Variants in NKAIN3 observed in about 807,000 individuals in gnomAD.
The protein encoded by NKAIN3 is sodium/potassium-transporting ATPase subunit beta-1-interacting protein 3.
A neutral mutation model predicts 30.2 loss-of-function variants in NKAIN3; 25 were observed. The observed-to-expected ratio is 0.83, with a 90% CI of 0.60 to 1.16. The LOEUF (loss-of-function observed/expected upper bound fraction) is 1.16, where lower values mean the gene tolerates loss of function less well. NKAIN3 is among the 50% of genes most tolerant of loss of function. NKAIN3 has a pLI of 0.00. For synonymous variants in NKAIN3, 91 were observed against 89.6 expected (o/e 1.02, Z -0.09); for missense variants, 225 against 254.1 (o/e 0.89, Z 0.78).
At chr8:62,704,203 C>A (rs1046695182) in intron 3 of NKAIN3, among the ~76,000 whole-genome samples, 5 of 152,018 alleles carry the variant, frequency 3.3e-5, no homozygotes, top group Admixed American at 3.3e-4. Flanking sequence ...AATAATGTAT[C>A]TTCTAGAAGA....
At chr8:62,274,372 A>G (rs1055435010) in intron 1 of NKAIN3, among the ~76,000 whole-genome samples, 1 of 152,036 alleles carries the variant, frequency 6.6e-6, no homozygotes, top group African/African-American at 2.4e-5. Flanking sequence ...GGTGTAGTCT[A>G]TGATCTGTGA....
rs116431004 is a variant in NKAIN3, at chr8:62,493,921, T to A, written c.55-85618T>A. Among the ~76,000 whole-genome samples, 613 of 152,284 alleles carry A rather than the reference T, an allele frequency of 4.0e-3. 4 individuals are homozygous for A. Among genetic ancestry groups the A allele is most frequent in the African/African-American group, 0.014 (583 of 41,578 alleles). The stretch of plus-strand genomic sequence containing the variant: ...GTTGTTTTTTAGATGAAGGAGCTTT[T>A]GGGTCGAGACTCTAGGGTTTTCTGA... On this transcript the variant is annotated intron_variant, in intron 1 of 6. Coordinates refer to ENST00000623646, the MANE Select transcript of NKAIN3 (RefSeq NM_001304533.3).
At chr8:62,677,079 T>C (rs938618073) in intron 3 of NKAIN3, among the ~76,000 whole-genome samples, 5 of 152,158 alleles carry the variant, frequency 3.3e-5, no homozygotes, top group African/African-American at 1.2e-4. Flanking sequence ...TTTTGGTTTG[T>C]TTTGAATTTT....
chr8:62,918,814 A>G (rs1467567435), intron 5 of NKAIN3, among the ~76,000 whole-genome samples: 1 of 152,182 alleles, frequency 6.6e-6, no homozygotes. Flanking sequence ...CCGAGTAGAC[A>G]GTCAGCGGTT....
chr8:62,801,289 G>C (rs1457563343), intron 4 of NKAIN3, among the ~76,000 whole-genome samples: 1 of 152,210 alleles, frequency 6.6e-6, no homozygotes, highest in Non-Finnish European at 1.5e-5. Flanking sequence ...CGCAGCTGGA[G>C]ATCTGAGAAC....
At chr8:62,344,778 A>C (rs1815875603) in intron 1 of NKAIN3, 1 of 373,728 alleles carries the variant, frequency 2.7e-6, no homozygotes, top group Non-Finnish European at 5.3e-6. Context: ...TGATAAAACT[A>C]AGAAATTTAG....
At chr8:62,840,205 C>T (rs1390384526) in intron 4 of NKAIN3, among the ~76,000 whole-genome samples, 1 of 152,096 alleles carries the variant, frequency 6.6e-6, no homozygotes, top group Non-Finnish European at 1.5e-5. Context: ...TATCCTCCTA[C>T]TGCTAATTCC....
chr8:62,764,907 T>TG (rs1300109855), intron 4 of NKAIN3, among the ~76,000 whole-genome samples: 1 of 152,058 alleles, frequency 6.6e-6, no homozygotes. Context: ...ATTTTTTAGG[T>TG]GGGGCTTTGG....
intron 3 of NKAIN3, among the ~76,000 whole-genome samples, chr8:62,694,974 C>G (rs994894135): frequency 6.6e-6 from 1 of 152,136 alleles, no homozygotes; most frequent in South Asian, 2.1e-4. Context: ...CTCCATATCT[C>G]TGTAAATATT....
At chr8:62,524,941 T>C (rs1178077828) in intron 1 of NKAIN3, among the ~76,000 whole-genome samples, 1 of 152,162 alleles carries the variant, frequency 6.6e-6, no homozygotes, top group African/African-American at 2.4e-5. Flanking sequence ...CACATCAAGA[T>C]TGATTTTGCT....
At chr8:62,550,886 T>C (rs775678387) in intron 1 of NKAIN3, among the ~76,000 whole-genome samples, 8 of 152,162 alleles carry the variant, frequency 5.3e-5, no homozygotes, top group South Asian at 2.1e-4. Flanking sequence ...AACTCTGGTG[T>C]CCTAGGAGCA....
At chr8:62,306,451 T>A (rs4738952) in intron 1 of NKAIN3, among the ~76,000 whole-genome samples, 84,977 of 149,242 alleles carry the variant, frequency 0.57, 25,341 homozygotes, top group Non-Finnish European at 0.61. Context: ...AATGAGATAG[T>A]TTTTCCCAGT....
At chr8:62,605,517 G>A (rs188964254) in intron 3 of NKAIN3, among the ~76,000 whole-genome samples, 72 of 151,904 alleles carry the variant, frequency 4.7e-4, no homozygotes, top group Non-Finnish European at 8.5e-4. Context: ...CCCCCATAAA[G>A]TATTTAGTAT....
chr8:62,731,340 A>T (rs1303509721), intron 3 of NKAIN3, among the ~76,000 whole-genome samples: 1 of 152,100 alleles, frequency 6.6e-6, no homozygotes, highest in Non-Finnish European at 1.5e-5. Flanking sequence ...AATTTCAATA[A>T]TACGGTATTT....
chr8:62,992,311 C>A (rs2130934184), intron 5 of NKAIN3, among the ~76,000 whole-genome samples: 1 of 152,190 alleles, frequency 6.6e-6, no homozygotes, highest in Non-Finnish European at 1.5e-5. Flanking sequence ...CACTCCCAAC[C>A]ACTTCTCTTT....
chr8:62,880,984 C>A (rs947619630), intron 4 of NKAIN3, among the ~76,000 whole-genome samples: 5 of 151,998 alleles, frequency 3.3e-5, no homozygotes, highest in African/African-American at 1.2e-4. Flanking sequence ...TTTATGGAAA[C>A]TCTCTGTACT....
At chr8:62,777,461 T>C (rs974609826) in intron 4 of NKAIN3, among the ~76,000 whole-genome samples, 2 of 152,158 alleles carry the variant, frequency 1.3e-5, no homozygotes, top group African/African-American at 4.8e-5. Flanking sequence ...TTCTTCTGCT[T>C]TATCAATTCT....
intron 4 of NKAIN3, among the ~76,000 whole-genome samples, chr8:62,792,626 A>T (rs1046117788): frequency 2.0e-5 from 3 of 152,206 alleles, no homozygotes; most frequent in Non-Finnish European, 4.4e-5. Context: ...GCTCAGTGTG[A>T]TACACACTAA....
At chr8:62,517,130 AT>A (rs1007594781) in intron 1 of NKAIN3, among the ~76,000 whole-genome samples, 1 of 152,124 alleles carries the variant, frequency 6.6e-6, no homozygotes, top group Non-Finnish European at 1.5e-5. Context: ...ATAAATTATA[AT>A]TTTTTTTCTC....
Sources: gnomAD v4.1 joint callset for allele counts (sites outside exome capture counted in the v4.1 genomes callset) on GRCh38, gnomAD v4.1.1 for gene constraint, MANE v1.5 for transcripts, NCBI Gene and HGNC (gene_info 2026-07-23, HGNC 2026-07-21) for gene names.